The following MAPK8 variants were observed in gnomAD, a reference collection of about 807,000 sequenced individuals.
MAPK8 encodes the protein mitogen-activated protein kinase 8.
MAPK8 carries 13 observed loss-of-function variants against 52.9 expected under a neutral mutation model. The observed-to-expected ratio is 0.25, with a 90% CI of 0.16 to 0.39. The LOEUF (loss-of-function observed/expected upper bound fraction) is 0.39. Ranked by LOEUF, MAPK8 falls within the 10% of genes least tolerant of loss-of-function variation. The pLI is 1.00. For synonymous variants in MAPK8, 191 were observed against 169.8 expected, an observed-to-expected ratio of 1.12 and a Z score of -0.97; for missense variants, 300 against 519.2, an observed-to-expected ratio of 0.58 and a Z score of 4.10.
At chr10:48,338,067 G>A (rs1844868485) in intron 1 of MAPK8, among the ~76,000 whole-genome samples, 1 of 151,912 alleles carries the variant, frequency 6.6e-6, no homozygotes, top group Non-Finnish European at 1.5e-5. Flanking sequence ...AAAAAATCAA[G>A]GTGGAGAGAT....
chr10:48,363,988 C>G (rs1273575959), intron 1 of MAPK8, among the ~76,000 whole-genome samples: 8 of 152,096 alleles, frequency 5.3e-5, no homozygotes, highest in Admixed American at 1.3e-4. Flanking sequence ...ATTCAATTGC[C>G]AATAATCTAT....
Position 48,307,503 on chromosome 10 carries a change from T to C in MAPK8, c.-50+682T>C, listed in dbSNP as rs112562302. On this transcript the variant is annotated intron_variant, in intron 1 of 11. Coordinates refer to ENST00000374189, the MANE Select transcript of MAPK8 (RefSeq NM_001323329.2). Reference sequence around the variant, plus strand: ...CTTGAGGGTCATCGGTGGTGACCTTTTGACTTTTTCACCCCACCCTCCCAT... The same window carrying C: ...CTTGAGGGTCATCGGTGGTGACCTTCTGACTTTTTCACCCCACCCTCCCAT... Among the ~76,000 whole-genome samples, 526 of 152,238 alleles carry C rather than the reference T, an allele frequency of 3.5e-3. 5 individuals are homozygous for C. Among genetic ancestry groups the C allele is most frequent in the African/African-American group, 0.012 (513 of 41,542 alleles).
chr10:48,382,844 G>GCTGTGTGTATATATACATATATACACAT (rs1589137728), intron 1 of MAPK8, among the ~76,000 whole-genome samples: 1 of 142,784 alleles, frequency 7.0e-6, no homozygotes, highest in East Asian at 2.0e-4. Context: ...TATATATACA[G>GCTGTGTGTATATATACATATATACACAT]CTGTGTGTAT....
At chr10:48,382,842 C>T (rs922153264) in intron 1 of MAPK8, among the ~76,000 whole-genome samples, 25 of 144,284 alleles carry the variant, frequency 1.7e-4, no homozygotes, top group Middle Eastern at 3.7e-3. Flanking sequence ...TATATATATA[C>T]AGCTGTGTGT....
intron 1 of MAPK8, among the ~76,000 whole-genome samples, chr10:48,390,181 A>G (rs994877408): frequency 6.6e-6 from 1 of 152,154 alleles, no homozygotes; most frequent in Non-Finnish European, 1.5e-5. Flanking sequence ...ACTTATTCAT[A>G]CTTTTTGTTT....
At chr10:48,393,572 A>G (rs1326793553) in intron 1 of MAPK8, among the ~76,000 whole-genome samples, 5 of 151,846 alleles carry the variant, frequency 3.3e-5, no homozygotes, top group Non-Finnish European at 7.4e-5. Context: ...CAAATAGAAA[A>G]CCCTCCTAGG....
chr10:48,353,134 T>C (rs940330673), intron 1 of MAPK8, among the ~76,000 whole-genome samples: 14 of 152,196 alleles, frequency 9.2e-5, no homozygotes, highest in African/African-American at 3.4e-4. Context: ...TGCTCATAGA[T>C]TGGAAGACTC....
chr10:48,411,947 C>A (rs2042777373), intron 5 of MAPK8, among the ~76,000 whole-genome samples: 1 of 147,430 alleles, frequency 6.8e-6, no homozygotes, highest in South Asian at 2.3e-4. Flanking sequence ...TGGGTTCAAA[C>A]AATTCTCCTG....
intron 1 of MAPK8, among the ~76,000 whole-genome samples, chr10:48,400,375 G>C (rs2042099705): frequency 2.0e-5 from 3 of 152,082 alleles, no homozygotes; most frequent in Non-Finnish European, 4.4e-5. Flanking sequence ...GGAGTTTCCT[G>C]TTTAGTTTTG....
intron 1 of MAPK8, among the ~76,000 whole-genome samples, chr10:48,357,037 G>C (rs1847047468): frequency 1.3e-5 from 2 of 151,796 alleles, no homozygotes; most frequent in Non-Finnish European, 2.9e-5. Flanking sequence ...CACTTCGATG[G>C]GAAAATACGA....
At chr10:48,335,009 T>C (rs945748437) in intron 1 of MAPK8, among the ~76,000 whole-genome samples, 1 of 152,174 alleles carries the variant, frequency 6.6e-6, no homozygotes, top group African/African-American at 2.4e-5. Flanking sequence ...GTTTCGATTT[T>C]CCGATAGCAA....
chr10:48,374,151 A>G (rs2040505697), intron 1 of MAPK8, among the ~76,000 whole-genome samples: 1 of 152,200 alleles, frequency 6.6e-6, no homozygotes, highest in Non-Finnish European at 1.5e-5. Flanking sequence ...ACTACTGGAA[A>G]AATAACGAAA....
intron 1 of MAPK8, among the ~76,000 whole-genome samples, chr10:48,355,135 A>T (rs1360203861): frequency 6.6e-6 from 1 of 152,248 alleles, no homozygotes; most frequent in Non-Finnish European, 1.5e-5. Flanking sequence ...TTCAGAAACT[A>T]TAAAGACTAT....
At chr10:48,366,292 A>G (rs111747992) in intron 1 of MAPK8, among the ~76,000 whole-genome samples, 1 of 152,176 alleles carries the variant, frequency 6.6e-6, no homozygotes, top group African/African-American at 2.4e-5. Context: ...TAAACTTAAC[A>G]AAGTTTATTT....
intron 1 of MAPK8, among the ~76,000 whole-genome samples, chr10:48,396,826 GTCT>G (rs1451745799): frequency 1.3e-5 from 2 of 152,170 alleles, no homozygotes; most frequent in East Asian, 1.9e-4. Flanking sequence ...AAATACGGCT[GTCT>G]TCTTATGAGT....
chr10:48,432,870 G>T (rs1348215145), intron 11 of MAPK8, among the ~76,000 whole-genome samples: 1 of 152,148 alleles, frequency 6.6e-6, no homozygotes, highest in Non-Finnish European at 1.5e-5. Flanking sequence ...TTGCAAAGAC[G>T]AGTATTAGCA....
chr10:48,329,771 T>G (rs1034048052), intron 1 of MAPK8, among the ~76,000 whole-genome samples: 31 of 152,196 alleles, frequency 2.0e-4, no homozygotes, highest in African/African-American at 7.5e-4. Flanking sequence ...TGTGTTAACA[T>G]AGGGTCCATT....
In MAPK8 at chr10:48,306,709, G is replaced by A. The variant is rs1349275433; in HGVS notation, c.-162G>A. The A allele has an allele frequency of 6.6e-6, 1 of 151,440 alleles. No individual in the cohort carries two copies. Among genetic ancestry groups the A allele is most frequent in the Non-Finnish European group, 1.5e-5 (1 of 67,816 alleles). The allele number at this position is 151,440 out of a possible 1,614,324, so 9.4% of individuals were successfully genotyped here. The stretch of plus-strand genomic sequence containing the variant: ...AGCCGAGCGGCCGAGGCCGGACGAC[G>A]CGGCTTGGATTGCGGAGCCGCGAGC... On this transcript the variant is annotated 5_prime_UTR_variant, in exon 1 of 12. Coordinates refer to ENST00000374189, the MANE Select transcript of MAPK8 (RefSeq NM_001323329.2).
chr10:48,318,713 C>T (rs2132128176), intron 1 of MAPK8, among the ~76,000 whole-genome samples: 1 of 152,252 alleles, frequency 6.6e-6, no homozygotes, highest in African/African-American at 2.4e-5. Context: ...AAGGGTCAGT[C>T]TGCATGCATG....
Sources: gnomAD v4.1 joint callset for allele counts (sites outside exome capture counted in the v4.1 genomes callset) on GRCh38, gnomAD v4.1.1 for gene constraint, MANE v1.5 for transcripts, NCBI Gene and HGNC (gene_info 2026-07-23, HGNC 2026-07-21) for gene names.